Variants in SORCS2 observed in about 807,000 individuals in gnomAD.
SORCS2 encodes the protein VPS10 domain-containing receptor SorCS2.
SORCS2 carries 100 observed loss-of-function variants against 141.6 expected under a neutral mutation model. That is an observed-to-expected ratio of 0.71 (90% CI 0.60 to 0.83). The LOEUF (loss-of-function observed/expected upper bound fraction) is 0.83. Among genes scored for constraint, SORCS2 ranks in the 40% least tolerant of loss-of-function variants. The pLI is 0.00. For synonymous variants in SORCS2, 789 were observed against 676.9 expected (o/e 1.17, Z -2.57); for missense variants, 1,646 against 1,560.2 (o/e 1.05, Z -0.93).
At chr4:7,287,941 C>T (rs1465626173) in intron 1 of SORCS2, among the ~76,000 whole-genome samples, 1 of 152,224 alleles carries the variant, frequency 6.6e-6, no homozygotes, top group Non-Finnish European at 1.5e-5. Flanking sequence ...GATTGGAGCC[C>T]ACCCTCTGAG....
intron 2 of SORCS2, among the ~76,000 whole-genome samples, chr4:7,495,112 G>C (rs747793536): frequency 6.6e-6 from 1 of 152,210 alleles, no homozygotes; most frequent in Non-Finnish European, 1.5e-5. Flanking sequence ...GCCTGTCAGC[G>C]GTGCTGGTAC....
intron 2 of SORCS2, among the ~76,000 whole-genome samples, chr4:7,459,152 C>T (rs775027030): frequency 2.6e-5 from 4 of 152,104 alleles, no homozygotes; most frequent in Non-Finnish European, 4.4e-5. Flanking sequence ...TGGCTTTGGA[C>T]TCACCCAGCC....
chr4:7,506,471 C>T (rs1432880349), intron 2 of SORCS2, among the ~76,000 whole-genome samples: 1 of 152,132 alleles, frequency 6.6e-6, no homozygotes, highest in East Asian at 1.9e-4. Flanking sequence ...TCCATTCATC[C>T]ACCCATCCAC....
intron 1 of SORCS2, among the ~76,000 whole-genome samples, chr4:7,222,520 T>TA (rs1553810294): frequency 6.6e-6 from 1 of 151,906 alleles, no homozygotes; most frequent in Non-Finnish European, 1.5e-5. Flanking sequence ...GGCATGGTGA[T>TA]GAAGCACTCG....
rs148366040 is a variant in SORCS2 at position 7,650,450 on chromosome 4, A to G, written c.814-3684A>G. ...CCTCAAAGCGGGAGGCCAGATTCCCATTTTAAGAAGTGGTGAAACTGAGGC... is the reference window on the plus strand; with the variant it reads ...CCTCAAAGCGGGAGGCCAGATTCCCGTTTTAAGAAGTGGTGAAACTGAGGC... On this transcript the variant is annotated intron_variant, in intron 4 of 26. Coordinates refer to ENST00000507866, the MANE Select transcript of SORCS2 (RefSeq NM_020777.3). Among the ~76,000 whole-genome samples the G allele has an allele frequency of 1.9e-3, 290 of 152,256 alleles. 2 individuals are homozygous for G. Among genetic ancestry groups the G allele is most frequent in the African/African-American group, 6.7e-3 (279 of 41,538 alleles).
rs111517033 is a variant in SORCS2, at chr4:7,718,357, C to T, written c.2424+174C>T. Among the ~76,000 whole-genome samples, 595 of 152,192 alleles carry T rather than the reference C, an allele frequency of 3.9e-3. 5 individuals are homozygous for T. The highest frequency in any genetic ancestry group is 0.014 in the African/African-American group (565 of 41,498). On this transcript the variant is annotated intron_variant, in intron 18 of 26. Transcript: ENST00000507866. ...AGCAGGGGGCTGGAAATCCGCTTCC[C>T]GAGTCGAGACCAGCATTTAACAATG... is the stretch of plus-strand genomic sequence containing the variant.
chr4:7,434,344 G>A, intron 2 of SORCS2: 1 of 1,609,450 alleles, frequency 6.2e-7, no homozygotes, highest in Non-Finnish European at 8.5e-7. Context: ...AGCTCCTTCA[G>A]GCGCCTGGCG....
At chr4:7,501,954 G>A (rs780682853) in intron 2 of SORCS2, among the ~76,000 whole-genome samples, 3 of 152,234 alleles carry the variant, frequency 2.0e-5, no homozygotes, top group Non-Finnish European at 4.4e-5. Flanking sequence ...CTCCTGATCT[G>A]CAGACTTGTG....
intron 1 of SORCS2, among the ~76,000 whole-genome samples, chr4:7,246,384 C>T (rs561921340): frequency 6.6e-6 from 1 of 152,084 alleles, no homozygotes; most frequent in African/African-American, 2.4e-5. Context: ...TAAATGAACC[C>T]GCAGATCTCA....
At chr4:7,607,938 C>T (rs1441051687) in intron 3 of SORCS2, among the ~76,000 whole-genome samples, 8 of 152,136 alleles carry the variant, frequency 5.3e-5, no homozygotes, top group Non-Finnish European at 7.4e-5. Flanking sequence ...GAGTGAGTTG[C>T]GGTTCCCCTG....
chr4:7,222,522 A>G (rs1028700820), intron 1 of SORCS2, among the ~76,000 whole-genome samples: 7 of 149,240 alleles, frequency 4.7e-5, no homozygotes, highest in African/African-American at 1.7e-4. Context: ...CATGGTGATG[A>G]AGCACTCGTC....
intron 2 of SORCS2, among the ~76,000 whole-genome samples, chr4:7,492,022 C>T (rs186085210): frequency 6.6e-6 from 1 of 152,194 alleles, no homozygotes; most frequent in Non-Finnish European, 1.5e-5. Context: ...GATCCAGGGC[C>T]TCTTCCTCCT....
Position 7,449,765 on chromosome 4 carries a change from G to A in SORCS2, c.548+53410G>A, listed in dbSNP as rs73086385. 6.1e-3 allele frequency among the ~76,000 whole-genome samples: 928 copies of A among 152,066 alleles called. 11 individuals carry two copies. The highest frequency in any genetic ancestry group is 0.021 in the African/African-American group (881 of 41,498). On this transcript the variant is annotated intron_variant, in intron 2 of 26. Transcript: ENST00000507866. ...GCTGTCTCCAGCCATCTTTGGCCTC[G>A]GAAATCGCTCCAGTGTTCCCGGAAT...
intron 1 of SORCS2, among the ~76,000 whole-genome samples, chr4:7,341,256 T>C (rs184387402): frequency 1.7e-3 from 260 of 152,338 alleles, no homozygotes; most frequent in African/African-American, 6.0e-3. Context: ...CGCTGCTCTG[T>C]TCCAGCCCCT....
At chr4:7,360,568 C>CTTTT (rs1721519739) in intron 1 of SORCS2, among the ~76,000 whole-genome samples, 1 of 22,366 alleles carries the variant, frequency 4.5e-5, no homozygotes, top group African/African-American at 1.9e-4. Flanking sequence ...CTCCCAGTCC[C>CTTTT]TTCTTTTTTT....
At position 7,488,388 on chromosome 4, in the gene SORCS2, G is replaced by C. The variant is rs371355407; in HGVS notation, c.549-43142G>C. On this transcript the variant is annotated intron_variant, in intron 2 of 26. Coordinates refer to ENST00000507866, the MANE Select transcript of SORCS2 (RefSeq NM_020777.3). ...TCAAGGGCTGAGATCCTGGGGATCA[G>C]CCTCAGTCTCAGGCTGAGGGATGAG... 3.3e-5 allele frequency among the ~76,000 whole-genome samples: 5 copies of C among 152,340 alleles called. No individual in the cohort carries two copies. In the East Asian group the frequency reaches 5.8e-4, roughly 18 times the overall value.
rs114396089 is a variant in SORCS2 at position 7,716,738 on chromosome 4, C to T, written c.2253-1274C>T. Among the ~76,000 whole-genome samples the T allele has an allele frequency of 9.4e-3, 1,439 of 152,282 alleles. 12 individuals are homozygous for T. Among genetic ancestry groups the T allele is most frequent in the South Asian group, 0.027 (129 of 4,820 alleles). ...ATCTACCCATCTGTCTACCCATGCACCTATGTATCATGAAGCTGCAGTGGT... is the reference window on the plus strand; with the variant it reads ...ATCTACCCATCTGTCTACCCATGCATCTATGTATCATGAAGCTGCAGTGGT... On this transcript the variant is annotated intron_variant, in intron 17 of 26. Coordinates refer to ENST00000507866, the MANE Select transcript of SORCS2 (RefSeq NM_020777.3).
chr4:7,281,224 C>A (rs529822938), intron 1 of SORCS2, among the ~76,000 whole-genome samples: 1 of 152,172 alleles, frequency 6.6e-6, no homozygotes, highest in East Asian at 1.9e-4. Flanking sequence ...TCACTCTTGC[C>A]ACAGCCGTGT....
At chr4:7,337,407 T>C in intron 1 of SORCS2, among the ~76,000 whole-genome samples, 1 of 152,080 alleles carries the variant, frequency 6.6e-6, no homozygotes, top group East Asian at 1.9e-4. Context: ...CCGCACTGGA[T>C]CAGGAGGCCT....
Sources: allele counts gnomAD v4.1 joint callset (sites outside exome capture counted in the v4.1 genomes callset), GRCh38; gene constraint gnomAD v4.1.1; transcripts MANE v1.5; gene names NCBI Gene and HGNC (gene_info 2026-07-23, HGNC 2026-07-21).